SGMS2: variants seen among roughly 807,000 people sequenced by gnomAD.
SGMS2 encodes phosphatidylcholine:ceramide cholinephosphotransferase 2.
Under a neutral mutation model 43.8 loss-of-function variants are expected in SGMS2, and 21 were observed. The observed-to-expected ratio is 0.48, with a 90% CI of 0.34 to 0.69. The LOEUF (loss-of-function observed/expected upper bound fraction) is 0.69, where lower values mean the gene tolerates loss of function less well. Among genes scored for constraint, SGMS2 ranks in the 30% least tolerant of loss-of-function variants. SGMS2 has a pLI of 0.01. For synonymous variants in SGMS2, 167 were observed against 160.6 expected (o/e 1.04, Z -0.30); for missense variants, 384 against 443.2 (o/e 0.87, Z 1.20).
At chr4:107,840,328 A>G (rs1467478165) in intron 1 of SGMS2, among the ~76,000 whole-genome samples, 3 of 152,130 alleles carry the variant, frequency 2.0e-5, no homozygotes, top group South Asian at 4.1e-4. Context: ...GGCTCCTCCT[A>G]ACTGGGCGAG....
chr4:107,880,274 T>C (rs1472025577), intron 2 of SGMS2, among the ~76,000 whole-genome samples: 1 of 152,156 alleles, frequency 6.6e-6, no homozygotes, highest in Admixed American at 6.5e-5. Flanking sequence ...AAAAAAGATA[T>C]AGGACTTAGT....
intron 1 of SGMS2, among the ~76,000 whole-genome samples, chr4:107,842,275 G>A (rs1726559698): frequency 6.6e-6 from 1 of 152,122 alleles, no homozygotes; most frequent in South Asian, 2.1e-4. Context: ...GAAGTGTAAT[G>A]CCAACATCTG....
At chr4:107,871,989 A>G (rs1728587099) in intron 2 of SGMS2, among the ~76,000 whole-genome samples, 1 of 152,252 alleles carries the variant, frequency 6.6e-6, no homozygotes, top group South Asian at 2.1e-4. Flanking sequence ...CATCATGACC[A>G]GTGTAATTAG....
intron 1 of SGMS2, among the ~76,000 whole-genome samples, chr4:107,857,213 C>G (rs540243020): frequency 6.6e-6 from 1 of 152,214 alleles, no homozygotes; most frequent in African/African-American, 2.4e-5. Flanking sequence ...CTTTCCATTG[C>G]CCAATAATAT....
At chr4:107,874,951 C>A (rs1728799771) in intron 2 of SGMS2, among the ~76,000 whole-genome samples, 1 of 152,150 alleles carries the variant, frequency 6.6e-6, no homozygotes, top group Non-Finnish European at 1.5e-5. Flanking sequence ...AGAAGCCAAT[C>A]TCTGAAGCCT....
At chr4:107,825,584 G>GTGTGTGTT (rs1372489858) in intron 1 of SGMS2, among the ~76,000 whole-genome samples, 1 of 150,710 alleles carries the variant, frequency 6.6e-6, no homozygotes, top group Non-Finnish European at 1.5e-5. Flanking sequence ...GGGACTGTGT[G>GTGTGTGTT]TGTGTGTTTG....
intron 1 of SGMS2, among the ~76,000 whole-genome samples, chr4:107,849,896 G>A (rs1727043451): frequency 6.6e-6 from 1 of 152,154 alleles, no homozygotes. Flanking sequence ...ATGAGTGTGT[G>A]TATCCCCACT....
At chr4:107,872,911 A>G (rs1261074734) in intron 2 of SGMS2, among the ~76,000 whole-genome samples, 1 of 152,174 alleles carries the variant, frequency 6.6e-6, no homozygotes, top group East Asian at 1.9e-4. Context: ...TCAGTCTTAC[A>G]GATCCAGAAT....
At position 107,914,758 on chromosome 4, in the gene SGMS2, G is replaced by T. The variant is rs923433572; in HGVS notation, c.*4205G>T. 2 of 152,030 alleles carry T rather than the reference G, an allele frequency of 1.3e-5. No individual in the cohort carries two copies. Among genetic ancestry groups the T allele is most frequent in the Non-Finnish European group, 2.9e-5 (2 of 67,990 alleles). 9.4% of individuals were successfully genotyped at this position (152,030 alleles called of 1,614,324 possible). On this transcript the variant is annotated 3_prime_UTR_variant, in exon 7 of 7. Transcript: ENST00000690982. ...TTTATCACATTGGATTCAAATTCAG[G>T]TTCCTTTTTTGATAAAGAGGAAATT...
chr4:107,853,483 A>G (rs1437999689), intron 1 of SGMS2, among the ~76,000 whole-genome samples: 2 of 152,160 alleles, frequency 1.3e-5, no homozygotes, highest in Non-Finnish European at 2.9e-5. Flanking sequence ...TGCCATAGCC[A>G]TATCCATGGA....
Position 107,895,448 on chromosome 4 carries a change from G to C in SGMS2, c.-106G>C, listed in dbSNP as rs1383552024. 8.7e-7 allele frequency: 1 copy of C among 1,152,912 alleles called. No homozygotes were observed. Among genetic ancestry groups the C allele is most frequent in the Non-Finnish European group, 1.2e-6 (1 of 805,036 alleles). The allele number at this position is 1,152,912 out of a possible 1,614,324, so 71.4% of individuals were successfully genotyped here. On this transcript the variant is annotated 5_prime_UTR_variant, in exon 3 of 7. Transcript: ENST00000690982. ...TTTGTATTAGGAAACAAAGTCCATT[G>C]TAAGAGTCCATGTTGATCTTGGAAA...
intron 2 of SGMS2, among the ~76,000 whole-genome samples, chr4:107,866,568 A>T (rs113048934): frequency 0.084 from 12,768 of 151,822 alleles, 638 homozygotes; most frequent in Middle Eastern, 0.12. Context: ...CTCTGTCTCA[A>T]AAAAAAACCA....
At chr4:107,865,806 C>A (rs924448043) in intron 2 of SGMS2, among the ~76,000 whole-genome samples, 2 of 152,162 alleles carry the variant, frequency 1.3e-5, no homozygotes, top group African/African-American at 4.8e-5. Context: ...AATCCCCCCA[C>A]CCCCATAGTC....
chr4:107,891,225 T>C (rs1730191321), intron 2 of SGMS2, among the ~76,000 whole-genome samples: 4 of 152,110 alleles, frequency 2.6e-5, no homozygotes, highest in African/African-American at 7.2e-5. Flanking sequence ...ATTTGGAACT[T>C]TCCTTCGGAT....
In SGMS2 at chr4:107,912,874, T is replaced by A. The variant is rs1732214685; in HGVS notation, c.*2321T>A. ...CATGTCTTTACACGCATGTGTCGTA[T>A]AGCTCTGTCATCGAGTTGAGGAAGT... On this transcript the variant is annotated 3_prime_UTR_variant, in exon 7 of 7. Coordinates refer to ENST00000690982, the MANE Select transcript of SGMS2 (RefSeq NM_001375905.1). 6.6e-6 allele frequency: 1 copy of A among 152,112 alleles called. No individual in the cohort carries two copies. Among genetic ancestry groups the A allele is most frequent in the Non-Finnish European group, 1.5e-5 (1 of 68,012 alleles). The allele number at this position is 152,112 out of a possible 1,614,324, so 9.4% of individuals were successfully genotyped here. A position where few individuals can be genotyped will look rare whatever the true frequency, so the allele number is the denominator to read the frequency against.
rs1732215232 is a variant in SGMS2 at position 107,912,884 on chromosome 4, A to G, written c.*2331A>G. 6.6e-6 allele frequency: 1 copy of G among 152,132 alleles called. No homozygotes were observed. The highest frequency in any genetic ancestry group is 2.4e-5 in the African/African-American group (1 of 41,432). The allele number at this position is 152,132 out of a possible 1,614,324, so 9.4% of individuals were successfully genotyped here. A position where few individuals can be genotyped will look rare whatever the true frequency, so the allele number is the denominator to read the frequency against. ...CACGCATGTGTCGTATAGCTCTGTC[A>G]TCGAGTTGAGGAAGTCCATGGTTTG... On this transcript the variant is annotated 3_prime_UTR_variant, in exon 7 of 7. Coordinates refer to ENST00000690982, the MANE Select transcript of SGMS2 (RefSeq NM_001375905.1).
chr4:107,903,335 T>C lies in SGMS2; in HGVS notation c.676T>C (p.Phe226Leu). 1 of 1,614,032 alleles carries C rather than the reference T, an allele frequency of 6.2e-7. No homozygotes were observed. Among genetic ancestry groups the C allele is most frequent in the Non-Finnish European group, 8.5e-7 (1 of 1,179,912 alleles). The change falls in exon 5 of 7, where the codon TTC (phenylalanine) becomes CTC (leucine). Residue 226 changes from phenylalanine (F) to leucine (L), a missense_variant. Physicochemically the swap from Phe to Leu is conservative, Grantham distance 22 (BLOSUM62 0). Coordinates refer to ENST00000690982, the MANE Select transcript of SGMS2 (RefSeq NM_001375905.1). ...GSHILCGDFLFSGHTVTLTLT... is the reference protein window; with the variant it reads ...GSHILCGDFLLSGHTVTLTLT... The stretch of plus-strand genomic sequence containing the variant: ...ACATATCTTATGTGGAGACTTCCTC[T>C]TCAGCGGTCACACGGTTACGCTGAC...
rs113258247 is a variant in SGMS2, at chr4:107,858,069, A to G, written c.-326-403A>G. ...ATATCCCCTTAGAAAGGCTTCCCTG[A>G]CACCACTTGCTCTACATCGACCACA... On this transcript the variant is annotated intron_variant, in intron 1 of 6. Coordinates refer to ENST00000690982, the MANE Select transcript of SGMS2 (RefSeq NM_001375905.1). 5.4e-3 allele frequency among the ~76,000 whole-genome samples: 786 copies of G among 145,910 alleles called. 8 individuals are homozygous for G. The highest frequency in any genetic ancestry group is 0.019 in the African/African-American group (745 of 39,604).
intron 1 of SGMS2, among the ~76,000 whole-genome samples, chr4:107,852,347 A>G (rs1727198579): frequency 6.6e-6 from 1 of 151,804 alleles, no homozygotes; most frequent in African/African-American, 2.4e-5. Context: ...AAGTCATAAT[A>G]ATTTTTTAAA....
Sources: allele counts gnomAD v4.1 joint callset (sites outside exome capture counted in the v4.1 genomes callset), GRCh38; gene constraint gnomAD v4.1.1; transcripts MANE v1.5; gene names NCBI Gene and HGNC (gene_info 2026-07-23, HGNC 2026-07-21).